STARD10: variants seen among roughly 807,000 people sequenced by gnomAD.
The protein encoded by STARD10 is StAR related lipid transfer domain containing 10, also known as START domain-containing protein 10.
Under a neutral mutation model 36.0 loss-of-function variants are expected in STARD10, and 24 were observed. The observed-to-expected ratio is 0.67, with a 90% CI of 0.48 to 0.94. The LOEUF is 0.94. STARD10 is among the 40% of genes least tolerant of loss of function. The probability of loss-of-function intolerance (pLI) is 0.00; values close to 1 mark genes in which losing one functional copy is unlikely to be tolerated. For synonymous variants in STARD10, 156 were observed against 161.9 expected (o/e 0.96, Z 0.28); for missense variants, 335 against 396.6 (o/e 0.84, Z 1.32).
At chr11:72,790,196 T>G (rs1311152441) in intron 1 of STARD10, 1 of 152,336 alleles carries the variant, frequency 6.6e-6, no homozygotes, top group Non-Finnish European at 1.5e-5. Flanking sequence ...GTGGCTACAT[T>G]GGGAGCTGGC....
At chr11:72,769,003 G>A (rs771673314) in intron 2 of STARD10, among the ~76,000 whole-genome samples, 19 of 152,156 alleles carry the variant, frequency 1.2e-4, no homozygotes, top group Non-Finnish European at 1.8e-4. Flanking sequence ...AGGTGCAGCC[G>A]TGAAAATCCC....
chr11:72,788,574 C>CTT (rs72079658), intron 1 of STARD10, among the ~76,000 whole-genome samples: 74,672 of 146,430 alleles, frequency 0.51, 18,905 homozygotes, highest in East Asian at 0.61. Flanking sequence ...GAAATTCAGC[C>CTT]TTTTTTTTTT....
At chr11:72,769,140 T>G (rs190928399) in intron 2 of STARD10, among the ~76,000 whole-genome samples, 6 of 152,270 alleles carry the variant, frequency 3.9e-5, no homozygotes, top group Admixed American at 2.0e-4. Context: ...AGAGACAGGT[T>G]CAGGGGAGAT....
chr11:72,761,848 A>C (rs142281107), intron 2 of STARD10, among the ~76,000 whole-genome samples: 91 of 150,514 alleles, frequency 6.0e-4, no homozygotes, highest in African/African-American at 2.2e-3. Context: ...AACAGTGGAG[A>C]TCTCTAAATG....
intron 2 of STARD10, among the ~76,000 whole-genome samples, chr11:72,761,166 A>G (rs762414377): frequency 3.5e-4 from 53 of 152,366 alleles, no homozygotes; most frequent in South Asian, 6.2e-4. Context: ...GGACAGAGGA[A>G]TGAGCTAAGT....
At chr11:72,763,722 G>A (rs1322584519) in intron 2 of STARD10, among the ~76,000 whole-genome samples, 2 of 152,188 alleles carry the variant, frequency 1.3e-5, no homozygotes, top group South Asian at 2.1e-4. Context: ...GGAGGAACGC[G>A]ATGGTGAGAA....
rs374073935 is a variant in STARD10 at position 72,781,014 on chromosome 11, C to T, written c.168G>A (p.Val56=). The T allele has an allele frequency of 2.0e-5, 33 of 1,614,090 alleles. No homozygotes were observed. Among genetic ancestry groups the T allele is most frequent in the Non-Finnish European group, 2.6e-5 (31 of 1,180,040 alleles). The change falls in exon 2 of 7, where the codon GTG becomes GTA. Residue 56 remains valine, a synonymous_variant. Coordinates refer to ENST00000334805, the MANE Select transcript of STARD10 (RefSeq NM_006645.3). The surrounding 1 kb of genome is among the most constrained non-coding windows in gnomAD (Gnocchi z 4.7). ...GCGTCCGATCCATCTCCACAGCCTG[C>T]ACCCAGACAGACACCCCAGCCCTGC... ...TYSRAGVSVW[V]QAVEMDRTLH...
At chr11:72,773,114 T>C (rs1200727278) in intron 2 of STARD10, among the ~76,000 whole-genome samples, 2 of 152,106 alleles carry the variant, frequency 1.3e-5, no homozygotes, top group Non-Finnish European at 2.9e-5. Context: ...AGGAACAACA[T>C]GACCAGTATA....
intron 2 of STARD10, among the ~76,000 whole-genome samples, chr11:72,775,293 T>C (rs1050885133): frequency 2.1e-4 from 32 of 152,224 alleles, no homozygotes; most frequent in African/African-American, 7.2e-4. Flanking sequence ...AAGGTGGGCC[T>C]TGGCACCTCT....
chr11:72,768,733 A>G (rs1858823005), intron 2 of STARD10, among the ~76,000 whole-genome samples: 1 of 152,172 alleles, frequency 6.6e-6, no homozygotes, highest in Non-Finnish European at 1.5e-5. Flanking sequence ...CTTGTCTCCT[A>G]GACCCCCAGC....
chr11:72,781,159 G>T lies in STARD10; in HGVS notation c.23C>A (p.Thr8Lys), dbSNP rs1433337447. The T allele has an allele frequency of 6.2e-7, 1 of 1,611,760 alleles. No homozygotes were observed. The highest frequency in any genetic ancestry group is 1.1e-5 in the South Asian group (1 of 91,088). ...GACCGGCCGAGGCCCTTGGGGCTCT[G>T]TAGAGGCCGCCAGCTTCTCCATGGG... MEKLAASTEPQGPRPVLG... is the reference protein window; with the variant it reads MEKLAASKEPQGPRPVLG... The change falls in exon 2 of 7, where the codon ACA (threonine) becomes AAA (lysine). Residue 8 changes from threonine to lysine, a missense_variant. Physicochemically the swap from Thr to Lys is moderately conservative, Grantham distance 78. Coordinates refer to ENST00000334805, the MANE Select transcript of STARD10 (RefSeq NM_006645.3). This position sits in a 1 kb window ranked among gnomAD's most constrained non-coding sequence, Gnocchi z 4.7.
At chr11:72,787,628 G>A (rs927895382) in intron 1 of STARD10, among the ~76,000 whole-genome samples, 1 of 152,228 alleles carries the variant, frequency 6.6e-6, no homozygotes, top group Non-Finnish European at 1.5e-5. Flanking sequence ...AACTCAGTTC[G>A]ATTGCGGGGT....
At position 72,764,058 on chromosome 11, in the gene STARD10, T is replaced by G. The variant is rs138505056; in HGVS notation, c.208-4677A>C. On this transcript the variant is annotated intron_variant, in intron 2 of 6. Transcript: ENST00000334805. Reference sequence around the variant, plus strand: ...AACCAGAATTTCTCTAAATCCAAATTTGGATGCTAGTTGGCTCTGCAAATC... The same window carrying G: ...AACCAGAATTTCTCTAAATCCAAATGTGGATGCTAGTTGGCTCTGCAAATC... Among the ~76,000 whole-genome samples, 593 of 152,216 alleles carry G rather than the reference T, an allele frequency of 3.9e-3. 3 individuals carry two copies. Among genetic ancestry groups the G allele is most frequent in the African/African-American group, 0.014 (572 of 41,518 alleles).
intron 4 of STARD10, 43 bp from the exon 5 acceptor site, chr11:72,757,927 C>T: frequency 1.3e-6 from 2 of 1,570,686 alleles, no homozygotes; most frequent in Non-Finnish European, 1.8e-6. Context: ...GGGGTGGGGG[C>T]AAAGAAGATG....
At position 72,793,762 on chromosome 11, in the gene STARD10, T is replaced by C. The variant is rs947848309; in HGVS notation, c.-1001A>G. 2.6e-5 allele frequency: 4 copies of C among 152,192 alleles called. No individual in the cohort carries two copies. Among genetic ancestry groups the C allele is most frequent in the Non-Finnish European group, 4.4e-5 (3 of 68,030 alleles). The allele number at this position is 152,192 out of a possible 1,614,324, so 9.4% of individuals were successfully genotyped here. A position where few individuals can be genotyped will look rare whatever the true frequency, so the allele number is the denominator to read the frequency against. On this transcript the variant is annotated 5_prime_UTR_variant, in exon 1 of 7. Coordinates refer to ENST00000334805, the MANE Select transcript of STARD10 (RefSeq NM_006645.3). ...CGAAGCCCCGCGTTTGCGCGTGCGCTTCCCGCCCGGGACCGCCCAGAGGTC... is the reference window on the plus strand; with the variant it reads ...CGAAGCCCCGCGTTTGCGCGTGCGCCTCCCGCCCGGGACCGCCCAGAGGTC...
chr11:72,779,177 C>T (rs1400769320), intron 2 of STARD10, among the ~76,000 whole-genome samples: 1 of 152,220 alleles, frequency 6.6e-6, no homozygotes, highest in Non-Finnish European at 1.5e-5. Flanking sequence ...TACACTTCTC[C>T]CCCAGTGTGC....
intron 6 of STARD10, 41 bp downstream of exon 6, chr11:72,755,660 C>T: frequency 2.5e-6 from 4 of 1,608,738 alleles, no homozygotes; most frequent in Admixed American, 3.3e-5. Context: ...GTCCTCTTTC[C>T]AGTCTTCAAC....
chr11:72,780,994 C>T lies in STARD10; in HGVS notation c.188G>A (p.Arg63Gln), dbSNP rs1565243898. ...CCCTACCTTGATCTTGTGCAGCGTCCGATCCATCTCCACAGCCTGCACCCA... is the reference window on the plus strand; with the variant it reads ...CCCTACCTTGATCTTGTGCAGCGTCTGATCCATCTCCACAGCCTGCACCCA... ...SVWVQAVEMD[R>Q]TLHKIKCRME... is the part of the protein sequence containing the mutation. Residue 63 changes from arginine (R) to glutamine (Q), a missense_variant, in exon 2 of 7, where the codon CGG becomes CAG. Coordinates refer to ENST00000334805, the MANE Select transcript of STARD10 (RefSeq NM_006645.3). 6.2e-7 allele frequency: 1 copy of T among 1,614,108 alleles called. No homozygotes were observed. Among genetic ancestry groups the T allele is most frequent in the African/African-American group, 1.3e-5 (1 of 75,034 alleles).
At chr11:72,758,342 C>T (rs1858673125) in intron 4 of STARD10, among the ~76,000 whole-genome samples, 188 bp downstream of exon 4, 1 of 152,208 alleles carries the variant, frequency 6.6e-6, no homozygotes, top group African/African-American at 2.4e-5. Flanking sequence ...GCCACACTGC[C>T]CTCTCCTGAT....
Sources: allele counts gnomAD v4.1 joint callset (sites outside exome capture counted in the v4.1 genomes callset), GRCh38; gene constraint gnomAD v4.1.1; non-coding constraint Gnocchi (gnomAD v3.1); transcripts MANE v1.5; gene names NCBI Gene and HGNC (gene_info 2026-07-23, HGNC 2026-07-21).